The following SLC25A48 variants were observed in gnomAD, a reference collection of about 807,000 sequenced individuals.
The protein encoded by SLC25A48 is CTC-321K16.1.
In SLC25A48, 29 loss-of-function variants were observed where a neutral mutation model predicts 32.2. The ratio of observed to expected loss-of-function variants is 0.90; its 90% CI spans 0.67 to 1.23. SLC25A48 has a LOEUF of 1.23. Ranked by LOEUF, SLC25A48 falls within the 50% of genes most tolerant of loss-of-function variation. The pLI, the probability that SLC25A48 is intolerant of heterozygous loss-of-function variation, is 0.00. For synonymous variants in SLC25A48, 164 were observed against 172.3 expected, an observed-to-expected ratio of 0.95 and a Z score of 0.38; for missense variants, 399 against 422.7, an observed-to-expected ratio of 0.94 and a Z score of 0.49.
At chr5:135,637,865 T>A (rs1299265639) in intron 3 of SLC25A48, among the ~76,000 whole-genome samples, 1 of 152,196 alleles carries the variant, frequency 6.6e-6, no homozygotes, top group East Asian at 1.9e-4. Flanking sequence ...TTGTTGTTGT[T>A]GTTGTTGTAG....
chr5:135,817,304 G>C (rs1757746817), intron 4 of SLC25A48, among the ~76,000 whole-genome samples: 1 of 152,226 alleles, frequency 6.6e-6, no homozygotes, highest in Non-Finnish European at 1.5e-5. Context: ...AGTATCAATA[G>C]TGCCAAGGCT....
chr5:135,678,975 C>T (rs1206140358), intron 3 of SLC25A48, among the ~76,000 whole-genome samples: 2 of 152,092 alleles, frequency 1.3e-5, no homozygotes, highest in Admixed American at 1.3e-4. Context: ...ACACTAGCAC[C>T]GGTGTCCATA....
chr5:135,795,035 C>T (rs1244531709), intron 3 of SLC25A48, among the ~76,000 whole-genome samples: 2 of 151,678 alleles, frequency 1.3e-5, no homozygotes, highest in African/African-American at 4.8e-5. Context: ...GGTTATACAC[C>T]CCCACATTGA....
At chr5:135,621,688 C>G (rs1223797218) in intron 1 of SLC25A48, among the ~76,000 whole-genome samples, 1 of 151,480 alleles carries the variant, frequency 6.6e-6, no homozygotes, top group Non-Finnish European at 1.5e-5. Flanking sequence ...AATTCATCCA[C>G]TACTAAAAAA....
intron 3 of SLC25A48, among the ~76,000 whole-genome samples, chr5:135,799,062 A>G (rs1757257021): frequency 6.6e-6 from 1 of 151,804 alleles, no homozygotes; most frequent in Non-Finnish European, 1.5e-5. Flanking sequence ...ATTACTCCCA[A>G]TATCGCAAAG....
intron 4 of SLC25A48, among the ~76,000 whole-genome samples, chr5:135,864,406 A>G (rs528145114): frequency 6.6e-6 from 1 of 152,318 alleles, no homozygotes; most frequent in East Asian, 1.9e-4. Context: ...TTCCCAGTAC[A>G]GGGTAGGGGT....
chr5:135,597,845 A>G (rs1473200731), intron 1 of SLC25A48, among the ~76,000 whole-genome samples: 2 of 152,192 alleles, frequency 1.3e-5, no homozygotes, highest in Non-Finnish European at 2.9e-5. Context: ...CTCTACTAAA[A>G]ATACAAAAAT....
rs114300297 is a variant in SLC25A48, at chr5:135,887,827, C to T, written c.*8-205C>T. 9.5e-3 allele frequency among the ~76,000 whole-genome samples: 1,445 copies of T among 152,292 alleles called. 23 individuals carry two copies. Among genetic ancestry groups the T allele is most frequent in the African/African-American group, 0.033 (1,362 of 41,568 alleles). Reference sequence around the variant, plus strand: ...CCCTGTGCTCTTGCAGGCAGCAGTGCCCCCTGAGCCATCTGTAAAATGGCC... The same window carrying T: ...CCCTGTGCTCTTGCAGGCAGCAGTGTCCCCTGAGCCATCTGTAAAATGGCC... On this transcript the variant is annotated intron_variant, in intron 7 of 7. Transcript: ENST00000681962.
At chr5:135,808,244 ATAT>A (rs983016120) in intron 3 of SLC25A48, among the ~76,000 whole-genome samples, 3 of 150,388 alleles carry the variant, frequency 2.0e-5, no homozygotes, top group Non-Finnish European at 4.4e-5. Flanking sequence ...TTAACACTTG[ATAT>A]TATTATAAAT....
chr5:135,713,586 A>G (rs1754721135), intron 3 of SLC25A48, among the ~76,000 whole-genome samples: 1 of 152,236 alleles, frequency 6.6e-6, no homozygotes, highest in Admixed American at 6.5e-5. Flanking sequence ...GGCTCTTTAT[A>G]GCTTATAAGT....
intron 3 of SLC25A48, among the ~76,000 whole-genome samples, chr5:135,688,469 G>T (rs1754069066): frequency 6.6e-6 from 1 of 152,168 alleles, no homozygotes; most frequent in Non-Finnish European, 1.5e-5. Context: ...AAGAAGTTCA[G>T]CAACACTGAA....
chr5:135,634,597 G>A (rs557937459), intron 2 of SLC25A48, among the ~76,000 whole-genome samples: 24 of 152,194 alleles, frequency 1.6e-4, no homozygotes, highest in East Asian at 1.9e-4. Context: ...TTTTTGAGAA[G>A]GGAAAGCAGT....
chr5:135,628,883 T>C (rs1752498788), intron 1 of SLC25A48, among the ~76,000 whole-genome samples: 1 of 152,094 alleles, frequency 6.6e-6, no homozygotes, highest in African/African-American at 2.4e-5. Context: ...ATAATGGAGA[T>C]TTGTGGGATT....
At chr5:135,717,267 A>G (rs1401353274) in intron 3 of SLC25A48, among the ~76,000 whole-genome samples, 1 of 152,154 alleles carries the variant, frequency 6.6e-6, no homozygotes, top group Non-Finnish European at 1.5e-5. Flanking sequence ...GCGGTCACAG[A>G]CAGCACATTG....
intron 1 of SLC25A48, among the ~76,000 whole-genome samples, chr5:135,838,328 T>A (rs1362279110): frequency 6.6e-6 from 1 of 152,222 alleles, no homozygotes; most frequent in African/African-American, 2.4e-5. Flanking sequence ...TGGTTTGGAA[T>A]TGGAACTTAT....
intron 3 of SLC25A48, among the ~76,000 whole-genome samples, chr5:135,687,336 A>AT (rs1426093318): frequency 6.6e-6 from 1 of 152,208 alleles, no homozygotes; most frequent in Non-Finnish European, 1.5e-5. Context: ...ATCCTCTATG[A>AT]TTTTACAATG....
intron 3 of SLC25A48, among the ~76,000 whole-genome samples, chr5:135,717,033 CA>C (rs1360000566): frequency 6.6e-6 from 1 of 152,208 alleles, no homozygotes; most frequent in Non-Finnish European, 1.5e-5. Flanking sequence ...AACCCCCAAG[CA>C]TGATGTTTTG....
intron 3 of SLC25A48, among the ~76,000 whole-genome samples, chr5:135,700,170 G>A (rs1754356596): frequency 1.3e-5 from 2 of 151,832 alleles, no homozygotes; most frequent in African/African-American, 2.4e-5. Flanking sequence ...TCAGGAGTTC[G>A]AGATCAGCCT....
At chr5:135,716,654 T>C (rs1003690558) in intron 3 of SLC25A48, among the ~76,000 whole-genome samples, 4 of 152,222 alleles carry the variant, frequency 2.6e-5, no homozygotes, top group Non-Finnish European at 5.9e-5. Context: ...AAAGGACTCT[T>C]GTCCAACAAG....
Sources: gnomAD v4.1 joint callset for allele counts (sites outside exome capture counted in the v4.1 genomes callset) on GRCh38, gnomAD v4.1.1 for gene constraint, MANE v1.5 for transcripts, NCBI Gene and HGNC (gene_info 2026-07-23, HGNC 2026-07-21) for gene names.